Variants in ITGB6 observed in about 807,000 individuals in gnomAD.
ITGB6 encodes the protein integrin subunit beta 6.
A neutral mutation model predicts 84.5 loss-of-function variants in ITGB6; 80 were observed. The observed-to-expected ratio is 0.95, with a 90% CI of 0.79 to 1.14. ITGB6 has a LOEUF of 1.14. Among genes scored for constraint, ITGB6 ranks in the 50% most tolerant of loss-of-function variants. ITGB6 has a pLI of 0.00. For missense variants in ITGB6, 1,006 were observed against 968.0 expected (o/e 1.04, Z -0.52); for synonymous variants, 383 against 354.9 (o/e 1.08, Z -0.89).
At chr2:160,163,441 G>A (rs1168737787) in intron 7 of ITGB6, among the ~76,000 whole-genome samples, 1 of 152,100 alleles carries the variant, frequency 6.6e-6, no homozygotes, top group African/African-American at 2.4e-5. Flanking sequence ...AGACCAGTCT[G>A]GCCAACATGG....
At chr2:160,181,398 G>T (rs1367943593) in intron 4 of ITGB6, among the ~76,000 whole-genome samples, 1 of 152,176 alleles carries the variant, frequency 6.6e-6, no homozygotes, top group Admixed American at 6.5e-5. Context: ...AGAGCTCACC[G>T]CAGCTCGGCA....
chr2:160,104,186 G>A (rs1354771342), intron 14 of ITGB6, among the ~76,000 whole-genome samples: 2 of 152,148 alleles, frequency 1.3e-5, no homozygotes, highest in Non-Finnish European at 2.9e-5. Context: ...AGAGTAAGAG[G>A]GTAAGGTGGA....
intron 7 of ITGB6, among the ~76,000 whole-genome samples, chr2:160,153,988 G>C (rs930037419): frequency 7.2e-5 from 11 of 152,206 alleles, no homozygotes; most frequent in Admixed American, 5.9e-4. Flanking sequence ...GTTGGTGGGA[G>C]TGTAAATTAG....
At position 160,137,438 on chromosome 2, in the gene ITGB6, G is replaced by T. The variant is rs139038668; in HGVS notation, c.1656C>A (p.Cys552Ter). 1.6e-5 allele frequency: 25 copies of T among 1,606,212 alleles called. No individual in the cohort carries two copies. Among genetic ancestry groups the T allele is most frequent in the Admixed American group, 3.3e-5 (2 of 59,800 alleles). The part of the protein sequence containing the change: ...FSCVRHKGLL[C>*]GGNGDCDCGE... ...ATGGATTTCAACATAGCCTACCTCC[G>T]CAGAGCAGCCCTTTGTGTCTCACGC... The change falls in exon 10 of 15, where the codon TGC becomes TGA. Residue 552 changes from cysteine (C) to a stop codon, truncating the protein, a stop_gained. Coordinates refer to ENST00000283249, the MANE Select transcript of ITGB6 (RefSeq NM_000888.5). LOFTEE classifies it high-confidence loss of function.
intron 7 of ITGB6, among the ~76,000 whole-genome samples, chr2:160,148,375 G>A (rs62175381): frequency 0.036 from 5,424 of 152,276 alleles, 138 homozygotes; most frequent in Non-Finnish European, 0.057. Flanking sequence ...AAATGATGCA[G>A]CCACTACAAA....
At chr2:160,127,902 C>T (rs962781567) in intron 10 of ITGB6, among the ~76,000 whole-genome samples, 5 of 152,122 alleles carry the variant, frequency 3.3e-5, no homozygotes, top group Non-Finnish European at 7.3e-5. Flanking sequence ...ATCATGAGAG[C>T]CTCATCTATA....
intron 7 of ITGB6, among the ~76,000 whole-genome samples, chr2:160,149,361 G>A (rs979520398): frequency 2.0e-5 from 3 of 152,192 alleles, no homozygotes; most frequent in Non-Finnish European, 4.4e-5. Flanking sequence ...GCAGCTGAGG[G>A]ACATGACTGT....
chr2:160,149,307 C>A (rs986557799), intron 7 of ITGB6, among the ~76,000 whole-genome samples: 4 of 152,214 alleles, frequency 2.6e-5, no homozygotes, highest in African/African-American at 4.8e-5. Flanking sequence ...GATACCCAGA[C>A]AAACAGGGTC....
At chr2:160,165,435 A>G (rs923850476) in intron 7 of ITGB6, among the ~76,000 whole-genome samples, 1 of 152,248 alleles carries the variant, frequency 6.6e-6, no homozygotes, top group Admixed American at 6.5e-5. Flanking sequence ...CAGGAACATT[A>G]TAAAACAAAA....
intron 14 of ITGB6, among the ~76,000 whole-genome samples, chr2:160,104,694 C>T (rs901744252): frequency 1.1e-4 from 17 of 152,144 alleles, no homozygotes; most frequent in African/African-American, 4.1e-4. Context: ...TCAGGCTGAA[C>T]ATTTTTTTGC....
chr2:160,138,197 T>A lies in ITGB6; in HGVS notation c.1110A>T (p.Glu370Asp). The change falls in exon 9 of 15, where the codon GAA (glutamate) becomes GAT (aspartate). Residue 370 changes from glutamate (E) to aspartate (D), a missense_variant and splice_region_variant. Coordinates refer to ENST00000283249, the MANE Select transcript of ITGB6 (RefSeq NM_000888.5). ...ILQLIISAYE[E>D]LRSEVELEVL... ...CTTCCAGTTCCACCTCAGACCGCAG[T>A]TCCTTTAGTTACAACATAAAGAGTT... is the stretch of plus-strand genomic sequence containing the variant. 1 of 1,604,038 alleles carries A rather than the reference T, an allele frequency of 6.2e-7. No individual in the cohort carries two copies. The highest frequency in any genetic ancestry group is 8.5e-7 in the Non-Finnish European group (1 of 1,177,294).
At chr2:160,160,879 C>T (rs1166968213) in intron 7 of ITGB6, among the ~76,000 whole-genome samples, 1 of 152,084 alleles carries the variant, frequency 6.6e-6, no homozygotes, top group Non-Finnish European at 1.5e-5. Context: ...TGCAGGAGTG[C>T]CCTTGTGCTG....
chr2:160,177,353 T>C (rs1685461518), intron 4 of ITGB6, among the ~76,000 whole-genome samples: 1 of 152,028 alleles, frequency 6.6e-6, no homozygotes, highest in East Asian at 1.9e-4. Context: ...GATCATGAGG[T>C]CAGGAGATAG....
chr2:160,129,230 A>G (rs1683358657), intron 10 of ITGB6, among the ~76,000 whole-genome samples: 2 of 152,098 alleles, frequency 1.3e-5, no homozygotes, highest in Admixed American at 6.5e-5. Flanking sequence ...GACGTATGAA[A>G]TACTTCAAAA....
intron 13 of ITGB6, 58 bp downstream of exon 13, chr2:160,112,022 C>T (rs1682539915): frequency 3.2e-6 from 5 of 1,549,346 alleles, no homozygotes; most frequent in East Asian, 4.5e-5. Context: ...TTTCTGGTTG[C>T]TTTCTCTTCT....
chr2:160,189,605 G>A (rs1371116226), intron 4 of ITGB6, among the ~76,000 whole-genome samples: 1 of 152,112 alleles, frequency 6.6e-6, no homozygotes, highest in Non-Finnish European at 1.5e-5. Context: ...ATGAAAAAAT[G>A]GTCATCATCA....
rs576017071 is a variant in ITGB6, at chr2:160,197,419, C to T, written c.142-999G>A. Among the ~76,000 whole-genome samples, 86 of 152,302 alleles carry T rather than the reference C, an allele frequency of 5.6e-4. 1 individual carries two copies. The highest frequency in any genetic ancestry group is 1.1e-3 in the Non-Finnish European group (75 of 68,030). ...CGTTCAAATTCTGAAACACCCAAAA[C>T]AGGGAGATGGAGCTAATAGATTAAA... On this transcript the variant is annotated intron_variant, in intron 2 of 14. Coordinates refer to ENST00000283249, the MANE Select transcript of ITGB6 (RefSeq NM_000888.5).
intron 12 of ITGB6, among the ~76,000 whole-genome samples, chr2:160,117,591 C>T (rs1180652587): frequency 6.6e-6 from 1 of 152,078 alleles, no homozygotes; most frequent in Non-Finnish European, 1.5e-5. Flanking sequence ...ACCCTAACAT[C>T]ACAATTAAAA....
intron 6 of ITGB6, among the ~76,000 whole-genome samples, chr2:160,171,336 TA>T (rs68156875): frequency 0.013 from 1,903 of 144,542 alleles, 118 homozygotes; most frequent in African/African-American, 0.026. Context: ...TTTATTTTTT[TA>T]TTTTTTTTTT....
Sources: allele counts gnomAD v4.1 joint callset (sites outside exome capture counted in the v4.1 genomes callset), GRCh38; gene constraint gnomAD v4.1.1; transcripts MANE v1.5; gene names NCBI Gene and HGNC (gene_info 2026-07-23, HGNC 2026-07-21).